The following PRKCE variants were observed in gnomAD, a reference collection of about 807,000 sequenced individuals.
PRKCE encodes the protein protein kinase C epsilon type.
Under a neutral mutation model 85.4 loss-of-function variants are expected in PRKCE, and 16 were observed. The observed-to-expected ratio is 0.19, with a 90% confidence interval of 0.13 to 0.28. PRKCE has a LOEUF of 0.28. Among genes scored for constraint, PRKCE ranks in the 10% least tolerant of loss-of-function variants. The pLI is 1.00. For missense variants in PRKCE, 573 were observed against 975.2 expected, an observed-to-expected ratio of 0.59 and a Z score of 5.49; for synonymous variants, 388 against 371.5, an observed-to-expected ratio of 1.04 and a Z score of -0.51.
intron 1 of PRKCE, among the ~76,000 whole-genome samples, chr2:45,663,769 C>T (rs1484427732): frequency 2.0e-5 from 3 of 151,126 alleles, no homozygotes; most frequent in East Asian, 1.9e-4. Flanking sequence ...GGTGACAGAG[C>T]GAGACTCCGT....
At chr2:46,060,123 T>C (rs1666959406) in intron 10 of PRKCE, among the ~76,000 whole-genome samples, 1 of 152,234 alleles carries the variant, frequency 6.6e-6, no homozygotes, top group Non-Finnish European at 1.5e-5. Context: ...TTCTGTATTT[T>C]ATTAACCTCA....
At chr2:46,064,299 A>G (rs1052547623) in intron 10 of PRKCE, among the ~76,000 whole-genome samples, 17 of 151,486 alleles carry the variant, frequency 1.1e-4, no homozygotes, top group Admixed American at 3.9e-4. Context: ...AAAAAAAAAA[A>G]AAAGAAAAAG....
intron 11 of PRKCE, among the ~76,000 whole-genome samples, chr2:46,144,688 C>T (rs61759977): frequency 0.038 from 5,814 of 152,240 alleles, 155 homozygotes; most frequent in East Asian, 0.11. Flanking sequence ...TCGTTGATGT[C>T]CCTATGTGTC....
chr2:45,740,043 A>T (rs946436770), intron 1 of PRKCE, among the ~76,000 whole-genome samples: 1 of 151,676 alleles, frequency 6.6e-6, no homozygotes, highest in Admixed American at 6.6e-5. Context: ...TCAGCCAGGC[A>T]TGGTGGCTTG....
intron 2 of PRKCE, among the ~76,000 whole-genome samples, chr2:45,855,690 T>C (rs1692616619): frequency 6.6e-6 from 1 of 152,202 alleles, no homozygotes; most frequent in African/African-American, 2.4e-5. Context: ...GATTTTCTCC[T>C]CAAACTTAGG....
intron 13 of PRKCE, among the ~76,000 whole-genome samples, chr2:46,156,154 C>T (rs1574622868): frequency 6.6e-6 from 1 of 152,208 alleles, no homozygotes; most frequent in African/African-American, 2.4e-5. Flanking sequence ...CCTTCTCTTC[C>T]ACATAGCCTC....
chr2:45,949,219 A>T (rs1048449477), intron 2 of PRKCE, among the ~76,000 whole-genome samples: 2 of 152,236 alleles, frequency 1.3e-5, no homozygotes, highest in Admixed American at 1.3e-4. Context: ...ATTAGCTCAC[A>T]TCCCCACCGG....
rs967229767 is a variant in PRKCE, at chr2:45,990,589, C to A, written c.823+5909C>A. Among the ~76,000 whole-genome samples, 5 of 152,088 alleles carry A rather than the reference C, an allele frequency of 3.3e-5. No individual in the cohort carries two copies. In the South Asian group the frequency reaches 1.0e-3, roughly 32 times the overall value. The stretch of plus-strand genomic sequence containing the variant: ...GGGTAGCTCTCAAGCTCTTGTCTCT[C>A]GTCTCTTACTTCCTCTGCTTTTTTT... On this transcript the variant is annotated intron_variant, in intron 6 of 14. Transcript: ENST00000306156.
rs141740669 is a variant in PRKCE, at chr2:45,701,830, G to A, written c.348+49382G>A. Reference sequence around the variant, plus strand: ...AAACATCTGGATTCTTAGAGACACCGACGAGTCTAGATTATTTTTTTCCTT... The same window carrying A: ...AAACATCTGGATTCTTAGAGACACCAACGAGTCTAGATTATTTTTTTCCTT... On this transcript the variant is annotated intron_variant, in intron 1 of 14. Transcript: ENST00000306156. Among the ~76,000 whole-genome samples the A allele has an allele frequency of 6.6e-5, 10 of 152,212 alleles. No individual in the cohort carries two copies. The South Asian group carries it at 1.5e-3, about 22-fold the overall frequency.
chr2:45,984,838 G>T (rs1703182566), intron 6 of PRKCE, among the ~76,000 whole-genome samples, 158 bp downstream of exon 6: 1 of 152,162 alleles, frequency 6.6e-6, no homozygotes, highest in Non-Finnish European at 1.5e-5. Flanking sequence ...CTGTGCATTT[G>T]GTAGGCAGAC....
At chr2:45,910,214 A>G (rs1418771014) in intron 2 of PRKCE, among the ~76,000 whole-genome samples, 1 of 152,234 alleles carries the variant, frequency 6.6e-6, no homozygotes, top group African/African-American at 2.4e-5. Context: ...CATCCCATGT[A>G]ACTGGAGCCT....
At chr2:45,937,420 C>G (rs942617151) in intron 2 of PRKCE, among the ~76,000 whole-genome samples, 3 of 152,116 alleles carry the variant, frequency 2.0e-5, no homozygotes, top group East Asian at 3.9e-4. Flanking sequence ...TTTAAGAAAA[C>G]TCATAGGTAT....
intron 2 of PRKCE, among the ~76,000 whole-genome samples, chr2:45,940,130 C>T (rs563218865): frequency 6.6e-6 from 1 of 152,324 alleles, no homozygotes; most frequent in African/African-American, 2.4e-5. Context: ...ATCAGCAATG[C>T]AAATTGGAAG....
intron 11 of PRKCE, among the ~76,000 whole-genome samples, chr2:46,100,990 T>C (rs4953312): frequency 0.27 from 40,776 of 151,950 alleles, 5,675 homozygotes; most frequent in South Asian, 0.41. Context: ...CTCCTCAGCC[T>C]CCCTGAATAG....
chr2:45,703,405 G>C (rs1678840425), intron 1 of PRKCE, among the ~76,000 whole-genome samples: 1 of 152,036 alleles, frequency 6.6e-6, no homozygotes, highest in Admixed American at 6.6e-5. Flanking sequence ...AGACATGGTG[G>C]CATGTACTTG....
chr2:46,039,734 G>A (rs909678465), intron 10 of PRKCE, among the ~76,000 whole-genome samples: 2 of 152,148 alleles, frequency 1.3e-5, no homozygotes, highest in Admixed American at 6.5e-5. Flanking sequence ...AATAGTTCAG[G>A]ATGACGATAT....
intron 1 of PRKCE, among the ~76,000 whole-genome samples, chr2:45,828,194 G>T (rs983408761): frequency 6.6e-6 from 1 of 152,188 alleles, no homozygotes; most frequent in African/African-American, 2.4e-5. Flanking sequence ...TCACAAAAGT[G>T]GAGGAACACC....
Position 45,711,332 on chromosome 2 carries a change from T to C in PRKCE, c.348+58884T>C, listed in dbSNP as rs74508672. Among the ~76,000 whole-genome samples, 147 of 152,298 alleles carry C rather than the reference T, an allele frequency of 9.7e-4. 3 individuals are homozygous for C. The East Asian group carries it at 0.024, about 25-fold the overall frequency. On this transcript the variant is annotated intron_variant, in intron 1 of 14. Transcript: ENST00000306156. ...AACAAACAAGAGATCATGGACATCA[T>C]GACCAAGAGCGAGGACTCAGGCCAG...
rs1351781984 is a variant in PRKCE, at chr2:46,155,086, A to G, written c.1920+3857A>G. Among the ~76,000 whole-genome samples the G allele has an allele frequency of 6.6e-6, 1 of 152,158 alleles. No individual in the cohort carries two copies. Among genetic ancestry groups the G allele is most frequent in the Non-Finnish European group, 1.5e-5 (1 of 68,026 alleles). The stretch of plus-strand genomic sequence containing the variant: ...GCCCAGCAGGAGCTGTGGAAGGTGA[A>G]CAGGACTGGGTGGGGCAGGGTAAAC... On this transcript the variant is annotated intron_variant, in intron 13 of 14. Coordinates refer to ENST00000306156, the MANE Select transcript of PRKCE (RefSeq NM_005400.3). The surrounding 1 kb of genome is among the most constrained non-coding windows in gnomAD (Gnocchi z 4.7).
Sources: gnomAD v4.1 joint callset for allele counts (sites outside exome capture counted in the v4.1 genomes callset) on GRCh38, gnomAD v4.1.1 for gene constraint, Gnocchi (gnomAD v3.1) non-coding constraint, MANE v1.5 for transcripts, NCBI Gene and HGNC (gene_info 2026-07-23, HGNC 2026-07-21) for gene names.